GRIK1: variants seen among roughly 807,000 people sequenced by gnomAD.
The protein encoded by GRIK1 is glutamate ionotropic receptor kainate type subunit 1, also known as glutamate receptor ionotropic, kainate 1.
In GRIK1, 69 loss-of-function variants were observed where a neutral mutation model predicts 105.7. The observed-to-expected ratio is 0.65, with a 90% CI of 0.54 to 0.80. The LOEUF (loss-of-function observed/expected upper bound fraction) is 0.80. GRIK1 is among the 30% of genes least tolerant of loss of function. The pLI is 0.00. For missense variants in GRIK1, 1,109 were observed against 1,167.3 expected (o/e 0.95, Z 0.73); for synonymous variants, 438 against 431.3 (o/e 1.02, Z -0.19).
At chr21:29,685,174 A>T (rs1471155246) in intron 3 of GRIK1, among the ~76,000 whole-genome samples, 2 of 152,174 alleles carry the variant, frequency 1.3e-5, no homozygotes, top group African/African-American at 4.8e-5. Flanking sequence ...AATCTTTTTT[A>T]AAAAACTATA....
chr21:29,750,900 C>G (rs1378704215), intron 1 of GRIK1, among the ~76,000 whole-genome samples: 2 of 152,134 alleles, frequency 1.3e-5, no homozygotes, highest in African/African-American at 4.8e-5. Flanking sequence ...TTTTAATCAC[C>G]TGGGTGCAGG....
At chr21:29,687,116 T>A (rs2063499681) in intron 3 of GRIK1, among the ~76,000 whole-genome samples, 1 of 152,194 alleles carries the variant, frequency 6.6e-6, no homozygotes, top group African/African-American at 2.4e-5. Flanking sequence ...TGCTTGCTAG[T>A]ATTTAGCGAA....
chr21:29,867,997 G>C (rs1050783389), intron 1 of GRIK1, among the ~76,000 whole-genome samples: 3 of 138,530 alleles, frequency 2.2e-5, no homozygotes, highest in Admixed American at 7.3e-5. Context: ...GAGAGAAGGA[G>C]AGAAAGAAAG....
rs776346758 is a variant in GRIK1, at chr21:29,654,877, A to G, written c.727-14T>C. ...CATGAACAGAATCTGCAAAAGAGAAATAAGGGGAAAGAATCAGGAACAGAA... is the reference window on the plus strand; with the variant it reads ...CATGAACAGAATCTGCAAAAGAGAAGTAAGGGGAAAGAATCAGGAACAGAA... On this transcript the variant is annotated splice_polypyrimidine_tract_variant and intron_variant, in intron 4 of 17. Coordinates refer to ENST00000327783, the MANE Select transcript of GRIK1 (RefSeq NM_001330994.2). 6.7e-7 allele frequency: 1 copy of G among 1,502,086 alleles called. No homozygotes were observed. The highest frequency in any genetic ancestry group is 9.3e-7 in the Non-Finnish European group (1 of 1,077,918). 93.0% of individuals were successfully genotyped at this position (1,502,086 alleles called of 1,614,324 possible).
chr21:29,704,037 C>G lies in GRIK1; in HGVS notation c.119-9974G>C, dbSNP rs117281053. ...TGGATTATGGGCAGTTTAGTAAATACTATTAGTAATTTTCCTTCATAAATT... is the reference window on the plus strand; with the variant it reads ...TGGATTATGGGCAGTTTAGTAAATAGTATTAGTAATTTTCCTTCATAAATT... On this transcript the variant is annotated intron_variant, in intron 1 of 17. Transcript: ENST00000327783. 3.8e-3 allele frequency among the ~76,000 whole-genome samples: 582 copies of G among 152,260 alleles called. 3 individuals are homozygous for G. The highest frequency in any genetic ancestry group is 8.8e-3 in the Admixed American group (135 of 15,276).
intron 1 of GRIK1, among the ~76,000 whole-genome samples, chr21:29,708,188 A>G (rs2063963436): frequency 6.6e-6 from 1 of 152,174 alleles, no homozygotes; most frequent in Non-Finnish European, 1.5e-5. Flanking sequence ...TATAGAAAAT[A>G]TTTATTATTG....
chr21:29,906,009 G>T (rs1217883983), intron 1 of GRIK1, among the ~76,000 whole-genome samples: 1 of 151,920 alleles, frequency 6.6e-6, no homozygotes, highest in African/African-American at 2.4e-5. Context: ...TGCATTTTGG[G>T]GTGGTGTAAT....
intron 14 of GRIK1, among the ~76,000 whole-genome samples, chr21:29,575,721 A>T (rs370930314): frequency 9.1e-4 from 139 of 152,174 alleles, no homozygotes; most frequent in African/African-American, 3.2e-3. Flanking sequence ...CGTCCCAGCT[A>T]CTTGGGAGGC....
At chr21:29,867,863 AG>A (rs1354519585) in intron 1 of GRIK1, among the ~76,000 whole-genome samples, 15 of 70,754 alleles carry the variant, frequency 2.1e-4, no homozygotes, top group Admixed American at 7.8e-4. Flanking sequence ...AGAGAAAGAG[AG>A]AGAAAGAGAG....
intron 7 of GRIK1, among the ~76,000 whole-genome samples, chr21:29,601,959 T>C (rs1027239885): frequency 1.3e-5 from 2 of 152,310 alleles, no homozygotes; most frequent in East Asian, 1.9e-4. Flanking sequence ...TACTTTTCTG[T>C]CTTCTGTCAC....
At chr21:29,822,443 C>T (rs545811680) in intron 1 of GRIK1, among the ~76,000 whole-genome samples, 1 of 152,058 alleles carries the variant, frequency 6.6e-6, no homozygotes, top group African/African-American at 2.4e-5. Context: ...TTCCAATGTA[C>T]CCATGCTTAT....
chr21:29,707,409 GCTTT>G (rs902686396), intron 1 of GRIK1, among the ~76,000 whole-genome samples: 1 of 43,718 alleles, frequency 2.3e-5, no homozygotes, highest in African/African-American at 9.3e-5. Context: ...ACTCTATCCG[GCTTT>G]CTTTCTTTCT....
intron 3 of GRIK1, among the ~76,000 whole-genome samples, chr21:29,679,642 T>C (rs2063334934): frequency 6.6e-6 from 1 of 152,198 alleles, no homozygotes; most frequent in South Asian, 2.1e-4. Context: ...ACCTATAACC[T>C]GTTTCAGGTA....
chr21:29,629,995 A>C (rs2062227993), intron 7 of GRIK1, among the ~76,000 whole-genome samples: 1 of 152,138 alleles, frequency 6.6e-6, no homozygotes, highest in South Asian at 2.1e-4. Context: ...TGATTTTTTG[A>C]GATACATCCT....
intron 1 of GRIK1, among the ~76,000 whole-genome samples, chr21:29,914,636 C>T (rs921377459): frequency 2.0e-5 from 3 of 152,094 alleles, no homozygotes; most frequent in African/African-American, 7.2e-5. Context: ...TCTCTTCCCC[C>T]ATCTCCCTAG....
intron 1 of GRIK1, among the ~76,000 whole-genome samples, chr21:29,874,874 C>A (rs1412053465): frequency 6.6e-6 from 1 of 152,090 alleles, no homozygotes; most frequent in Non-Finnish European, 1.5e-5. Context: ...CATGTTGATT[C>A]ATGATTACAT....
chr21:29,820,672 TC>T (rs10707137), intron 1 of GRIK1, among the ~76,000 whole-genome samples: 145,660 of 152,078 alleles, frequency 0.96, 69,819 homozygotes, highest in East Asian at 1. Context: ...TAGTTCTCCC[TC>T]CTAGTGCTAA....
intron 1 of GRIK1, among the ~76,000 whole-genome samples, chr21:29,835,814 T>C (rs1192565365): frequency 6.6e-6 from 1 of 152,226 alleles, no homozygotes; most frequent in Non-Finnish European, 1.5e-5. Flanking sequence ...TATTAACTCA[T>C]TTTGTCGTTG....
At chr21:29,905,590 C>T (rs2070584759) in intron 1 of GRIK1, among the ~76,000 whole-genome samples, 1 of 149,814 alleles carries the variant, frequency 6.7e-6, no homozygotes, top group African/African-American at 2.4e-5. Context: ...GGATTACAAA[C>T]ACGCACCATC....
Sources: allele counts gnomAD v4.1 joint callset (sites outside exome capture counted in the v4.1 genomes callset), GRCh38; gene constraint gnomAD v4.1.1; transcripts MANE v1.5; gene names NCBI Gene and HGNC (gene_info 2026-07-23, HGNC 2026-07-21).